The following CNOT10 variants were observed in gnomAD, a reference collection of about 807,000 sequenced individuals.
The protein encoded by CNOT10 is CCR4-NOT transcription complex, subunit 10.
In CNOT10, 30 loss-of-function variants were observed where a neutral mutation model predicts 94.6. The ratio of observed to expected loss-of-function variants is 0.32; its 90% CI spans 0.24 to 0.43. CNOT10 has a LOEUF of 0.43. Ranked by LOEUF, CNOT10 falls within the 20% of genes least tolerant of loss-of-function variation. The pLI is 1.00. For synonymous variants in CNOT10, 289 were observed against 301.6 expected (o/e 0.96, Z 0.43); for missense variants, 759 against 877.2 (o/e 0.87, Z 1.70).
chr3:32,699,254 G>T (rs1160751034), intron 1 of CNOT10, among the ~76,000 whole-genome samples: 1 of 152,162 alleles, frequency 6.6e-6, no homozygotes, highest in Non-Finnish European at 1.5e-5. Flanking sequence ...ATGGGATTCA[G>T]TTGTACAAAG....
chr3:32,701,521 G>A (rs1697346226), intron 1 of CNOT10, among the ~76,000 whole-genome samples: 1 of 152,166 alleles, frequency 6.6e-6, no homozygotes, highest in South Asian at 2.1e-4. Flanking sequence ...GACCTGGTGG[G>A]AGGTGACTGG....
At position 32,727,874 on chromosome 3, in the gene CNOT10, A is replaced by C; in HGVS notation, c.1215+4A>C. The stretch of plus-strand genomic sequence containing the variant: ...CTGCATTGCTGCCAATAAGGGGGTG[A>C]GTGCTACTTGGGTATCTTTTTAAAC... On this transcript the variant is annotated splice_donor_region_variant and intron_variant, in intron 10 of 18. Coordinates refer to ENST00000328834, the MANE Select transcript of CNOT10 (RefSeq NM_015442.3). 1 of 1,607,860 alleles carries C rather than the reference A, an allele frequency of 6.2e-7. No individual in the cohort carries two copies. The highest frequency in any genetic ancestry group is 8.5e-7 in the Non-Finnish European group (1 of 1,177,616).
intron 17 of CNOT10, among the ~76,000 whole-genome samples, chr3:32,767,579 C>G (rs1398901345): frequency 2.0e-5 from 3 of 150,228 alleles, no homozygotes; most frequent in South Asian, 4.2e-4. Flanking sequence ...ATGTGAGCAG[C>G]CTTGTTGTGC....
intron 7 of CNOT10, among the ~76,000 whole-genome samples, chr3:32,718,332 C>T (rs1290646391): frequency 1.3e-5 from 2 of 148,640 alleles, no homozygotes; most frequent in Non-Finnish European, 3.0e-5. Context: ...CGCCTGTAAT[C>T]CCAGCACTTT....
intron 1 of CNOT10, among the ~76,000 whole-genome samples, chr3:32,691,460 C>T (rs1218354890): frequency 3.9e-5 from 6 of 152,044 alleles, no homozygotes; most frequent in Admixed American, 3.9e-4. Flanking sequence ...CTGTGCCTGG[C>T]CATGCCCAGC....
intron 1 of CNOT10, among the ~76,000 whole-genome samples, chr3:32,685,827 C>T (rs1378655289): frequency 1.3e-5 from 2 of 152,212 alleles, no homozygotes; most frequent in African/African-American, 2.4e-5. Flanking sequence ...CCCTGGAGCA[C>T]ACATCTGCCT....
rs187488594 is a variant in CNOT10, at chr3:32,699,746, C to T, written c.23-4122C>T. Among the ~76,000 whole-genome samples, 386 of 152,060 alleles carry T rather than the reference C, an allele frequency of 2.5e-3. 1 individual carries two copies. Among genetic ancestry groups the T allele is most frequent in the African/African-American group, 9.0e-3 (372 of 41,478 alleles). ...CACTAGCTCTAGCCCCAACTTGAGT[C>T]CATGTTGGCAGATCTATAGAAGGAG... On this transcript the variant is annotated intron_variant, in intron 1 of 18. Coordinates refer to ENST00000328834, the MANE Select transcript of CNOT10 (RefSeq NM_015442.3).
At chr3:32,724,137 A>T (rs968603314) in intron 8 of CNOT10, among the ~76,000 whole-genome samples, 1 of 152,172 alleles carries the variant, frequency 6.6e-6, no homozygotes, top group Non-Finnish European at 1.5e-5. Flanking sequence ...GCTGAAAAAT[A>T]CAAATTCCCA....
intron 1 of CNOT10, 138 bp downstream of exon 1, chr3:32,685,620 C>CT (rs1261325833): frequency 1.3e-5 from 12 of 889,050 alleles, no homozygotes; most frequent in Non-Finnish European, 1.9e-5. Context: ...ACCCCATCCT[C>CT]TGTCTCGGCT....
intron 13 of CNOT10, chr3:32,753,013 C>T (rs903791614): frequency 8.2e-6 from 4 of 488,044 alleles, no homozygotes; most frequent in Non-Finnish European, 1.6e-5. Context: ...GAGGAGCTGA[C>T]TAAGGCTTTG....
At chr3:32,740,861 TAAAAA>T (rs35227726) in intron 13 of CNOT10, among the ~76,000 whole-genome samples, 1 of 137,246 alleles carries the variant, frequency 7.3e-6, no homozygotes, top group African/African-American at 2.7e-5. Flanking sequence ...GACTCCGTCT[TAAAAA>T]AAAAAAAAAA....
At chr3:32,767,087 G>A (rs1700677031) in intron 17 of CNOT10, among the ~76,000 whole-genome samples, 1 of 152,164 alleles carries the variant, frequency 6.6e-6, no homozygotes, top group Non-Finnish European at 1.5e-5. Flanking sequence ...ATGGTCAGAG[G>A]ATATGCAGGA....
At chr3:32,718,936 G>A (rs1051270216) in intron 7 of CNOT10, among the ~76,000 whole-genome samples, 23 of 152,076 alleles carry the variant, frequency 1.5e-4, no homozygotes, top group Non-Finnish European at 2.6e-4. Context: ...CCAACATGGG[G>A]AAGCCCCATC....
intron 1 of CNOT10, among the ~76,000 whole-genome samples, chr3:32,693,990 A>C (rs755391693): frequency 2.0e-5 from 3 of 152,120 alleles, no homozygotes; most frequent in Non-Finnish European, 4.4e-5. Context: ...TTAATTTTTT[A>C]GGTATGTAAG....
chr3:32,771,634 A>G (rs1039271328), intron 18 of CNOT10, among the ~76,000 whole-genome samples: 1 of 152,060 alleles, frequency 6.6e-6, no homozygotes, highest in African/African-American at 2.4e-5. Context: ...ATATCTATCT[A>G]GATAGATAGA....
At chr3:32,754,153 C>G (rs1700091625) in intron 13 of CNOT10, among the ~76,000 whole-genome samples, 1 of 151,766 alleles carries the variant, frequency 6.6e-6, no homozygotes, top group African/African-American at 2.4e-5. Flanking sequence ...TTATTGTAGA[C>G]AAATTGGCAT....
At chr3:32,752,409 T>C (rs1255248201) in intron 13 of CNOT10, among the ~76,000 whole-genome samples, 1 of 152,144 alleles carries the variant, frequency 6.6e-6, no homozygotes, top group African/African-American at 2.4e-5. Context: ...AATAAAGCAA[T>C]TGGTTTAGGT....
intron 10 of CNOT10, among the ~76,000 whole-genome samples, chr3:32,730,231 C>G (rs746750468): frequency 1.3e-5 from 2 of 151,988 alleles, no homozygotes; most frequent in Admixed American, 1.3e-4. Flanking sequence ...TTAATATTTT[C>G]TTTTTAAATT....
chr3:32,698,343 A>G (rs893652068), intron 1 of CNOT10, among the ~76,000 whole-genome samples: 2 of 152,204 alleles, frequency 1.3e-5, no homozygotes, highest in Non-Finnish European at 2.9e-5. Flanking sequence ...TATACAGCAG[A>G]TAAGTTCTTA....
Sources: allele counts gnomAD v4.1 joint callset (sites outside exome capture counted in the v4.1 genomes callset), GRCh38; gene constraint gnomAD v4.1.1; transcripts MANE v1.5; gene names NCBI Gene and HGNC (gene_info 2026-07-23, HGNC 2026-07-21).